Variants in PITPNB observed in about 807,000 individuals in gnomAD.
PITPNB encodes phosphatidylinositol transfer protein beta.
PITPNB carries 16 observed loss-of-function variants against 45.9 expected under a neutral mutation model. That is an observed-to-expected ratio of 0.35 (90% CI 0.24 to 0.53). The LOEUF is 0.53. PITPNB is among the 20% of genes least tolerant of loss of function. PITPNB has a pLI of 0.93. For missense variants in PITPNB, 188 were observed against 330.5 expected (o/e 0.57, Z 3.34); for synonymous variants, 112 against 108.9 (o/e 1.03, Z -0.18).
chr22:27,869,736 T>C (rs1486440037), intron 8 of PITPNB, among the ~76,000 whole-genome samples: 1 of 152,204 alleles, frequency 6.6e-6, no homozygotes, highest in Non-Finnish European at 1.5e-5. Context: ...TTAACATTGA[T>C]TGTGCACTTC....
At chr22:27,919,084 G>A in intron 1 of PITPNB, 88 bp downstream of exon 1, 2 of 1,606,358 alleles carry the variant, frequency 1.2e-6, no homozygotes, top group Non-Finnish European at 1.7e-6. Flanking sequence ...GGCTGACTCC[G>A]ATTTAGGAAT....
At chr22:27,894,210 G>C (rs1344010258) in intron 7 of PITPNB, 1 of 173,798 alleles carries the variant, frequency 5.8e-6, no homozygotes, top group Non-Finnish European at 1.2e-5. Flanking sequence ...AATCACATTT[G>C]AAAAGTAAAA....
At position 27,919,223 on chromosome 22, in the gene PITPNB, T is replaced by C. The variant is rs1569041337; in HGVS notation, c.-32A>G. 3 of 1,589,780 alleles carry C rather than the reference T, an allele frequency of 1.9e-6. No homozygotes were observed. Among genetic ancestry groups the C allele is most frequent in the East Asian group, 2.2e-5 (1 of 44,726 alleles). ...GGAACCCCCTCACAGCTGCCGCCGA[T>C]ACCACCGCCGCCGCCGCCGCTACCG... is the stretch of plus-strand genomic sequence containing the variant. On this transcript the variant is annotated 5_prime_UTR_variant, in exon 1 of 12. Transcript: ENST00000335272.
chr22:27,865,259 T>C (rs1325358171), intron 8 of PITPNB, among the ~76,000 whole-genome samples: 1 of 152,244 alleles, frequency 6.6e-6, no homozygotes, highest in African/African-American at 2.4e-5. Context: ...AACTTTACCC[T>C]AAATTATCTG....
chr22:27,912,631 GAATA>G (rs111508008), intron 2 of PITPNB, among the ~76,000 whole-genome samples: 3,970 of 149,824 alleles, frequency 0.026, 54 homozygotes, highest in Non-Finnish European at 0.031. Flanking sequence ...CCTTTTTTAA[GAATA>G]AAAAATTAAA....
At chr22:27,887,744 A>G (rs1935166283) in intron 7 of PITPNB, among the ~76,000 whole-genome samples, 1 of 152,138 alleles carries the variant, frequency 6.6e-6, no homozygotes. Flanking sequence ...TGCATCCTAA[A>G]GTAAACCCCT....
Position 27,919,178 on chromosome 22 carries a change from T to C in PITPNB, c.14A>G (p.Lys5Arg), listed in dbSNP as rs1936197972. 6.2e-7 allele frequency: 1 copy of C among 1,613,948 alleles called. No homozygotes were observed. Among genetic ancestry groups the C allele is most frequent in the Non-Finnish European group, 8.5e-7 (1 of 1,179,884 alleles). The stretch of plus-strand genomic sequence containing the variant: ...CGCCCACAGACCCACTCACAATTCC[T>C]TGATCAGCACCATCTTCCCGGAACC... MVLI[K>R]EFRVVLPCSV... Residue 5 changes from lysine to arginine, a missense_variant, in exon 1 of 12, where the codon AAG becomes AGG. Transcript: ENST00000335272.
chr22:27,880,317 T>TA (rs1182345897), intron 7 of PITPNB, among the ~76,000 whole-genome samples: 3 of 152,188 alleles, frequency 2.0e-5, no homozygotes, highest in African/African-American at 2.4e-5. Flanking sequence ...GAGCCTTCCT[T>TA]AAAAAAGAGT....
At chr22:27,863,103 T>C (rs946441885) in intron 8 of PITPNB, among the ~76,000 whole-genome samples, 11 of 152,226 alleles carry the variant, frequency 7.2e-5, no homozygotes, top group African/African-American at 9.6e-5. Flanking sequence ...AATCCTCATA[T>C]GCAATACAAC....
chr22:27,863,298 ACT>A (rs1403908052), intron 8 of PITPNB, among the ~76,000 whole-genome samples: 1 of 152,120 alleles, frequency 6.6e-6, no homozygotes, highest in Non-Finnish European at 1.5e-5. Context: ...TTCATTCTCC[ACT>A]GAGGAAAAAC....
chr22:27,913,182 G>A (rs905998809), intron 2 of PITPNB, among the ~76,000 whole-genome samples: 2 of 152,066 alleles, frequency 1.3e-5, no homozygotes, highest in African/African-American at 4.8e-5. Flanking sequence ...TAGAGAACAG[G>A]GTGCCTAGCT....
chr22:27,867,631 C>G (rs1934523529), intron 8 of PITPNB, among the ~76,000 whole-genome samples: 1 of 152,114 alleles, frequency 6.6e-6, no homozygotes. Flanking sequence ...GTGATTACTC[C>G]AGGAGTGACA....
At position 27,894,620 on chromosome 22, in the gene PITPNB, T is replaced by C; in HGVS notation, c.391A>G (p.Asn131Asp). ...TLENVHGLDP[N>D]TWKTVEIVHI... ...ACAATTTCAACAGTTTTCCATGTGT[T>C]TGGATCTAAACCATGTACCTACCAA... The change falls in exon 7 of 12, where the codon AAC becomes GAC. Residue 131 changes from asparagine (N) to aspartate (D), a missense_variant. By Grantham distance (23) the Asn-to-Asp change is conservative. Coordinates refer to ENST00000335272, the MANE Select transcript of PITPNB (RefSeq NM_012399.5). 6.2e-7 allele frequency: 1 copy of C among 1,603,082 alleles called. No homozygotes were observed. Among genetic ancestry groups the C allele is most frequent in the East Asian group, 2.2e-5 (1 of 44,734 alleles).
At chr22:27,889,151 G>T (rs1441549442) in intron 7 of PITPNB, among the ~76,000 whole-genome samples, 1 of 152,174 alleles carries the variant, frequency 6.6e-6, no homozygotes, top group Non-Finnish European at 1.5e-5. Context: ...CCTTATTCTA[G>T]TTGCTCCATC....
chr22:27,888,497 T>C (rs17480369), intron 7 of PITPNB, among the ~76,000 whole-genome samples: 10,080 of 152,308 alleles, frequency 0.066, 376 homozygotes, highest in Non-Finnish European at 0.084. Flanking sequence ...GGACATCAAA[T>C]TGATTTTGTA....
intron 3 of PITPNB, among the ~76,000 whole-genome samples, chr22:27,906,526 C>G (rs1935766954): frequency 6.6e-6 from 1 of 152,172 alleles, no homozygotes; most frequent in Non-Finnish European, 1.5e-5. Flanking sequence ...AGGGCAGGTT[C>G]TGGAGTTGGT....
chr22:27,892,910 T>C (rs2146396585), intron 7 of PITPNB, among the ~76,000 whole-genome samples: 1 of 152,298 alleles, frequency 6.6e-6, no homozygotes, highest in South Asian at 2.1e-4. Flanking sequence ...CTGCTGGCAG[T>C]CTCAACCCCA....
intron 3 of PITPNB, among the ~76,000 whole-genome samples, chr22:27,907,722 T>C (rs946147623): frequency 6.6e-6 from 1 of 152,180 alleles, no homozygotes; most frequent in Non-Finnish European, 1.5e-5. Context: ...GTGCCTTGTA[T>C]TCATCAGGCA....
intron 2 of PITPNB, among the ~76,000 whole-genome samples, chr22:27,912,563 CA>C (rs1302167206): frequency 1.3e-5 from 2 of 151,248 alleles, no homozygotes; most frequent in African/African-American, 2.4e-5. Context: ...GAACTGTATC[CA>C]AAAAAACGTT....
Sources: gnomAD v4.1 joint callset for allele counts (sites outside exome capture counted in the v4.1 genomes callset) on GRCh38, gnomAD v4.1.1 for gene constraint, MANE v1.5 for transcripts, NCBI Gene and HGNC (gene_info 2026-07-23, HGNC 2026-07-21) for gene names.